Variants in SLC16A7 observed in about 807,000 individuals in gnomAD.
SLC16A7 encodes solute carrier family 16 member 7.
In SLC16A7, 33 loss-of-function variants were observed where a neutral mutation model predicts 34.9. That is an observed-to-expected ratio of 0.94 (90% CI 0.72 to 1.26). The LOEUF (loss-of-function observed/expected upper bound fraction) is 1.26, where lower values mean the gene tolerates loss of function less well. SLC16A7 is among the 50% of genes most tolerant of loss of function. The pLI is 0.00. For synonymous variants in SLC16A7, 201 were observed against 206.6 expected (o/e 0.97, Z 0.23); for missense variants, 573 against 578.1 (o/e 0.99, Z 0.09).
chr12:59,706,080 C>T (rs1430666041), intron 3 of SLC16A7, among the ~76,000 whole-genome samples: 1 of 152,076 alleles, frequency 6.6e-6, no homozygotes, highest in Non-Finnish European at 1.5e-5. Context: ...ATAGCTCTCC[C>T]AAGTCAAACA....
chr12:59,700,535 A>G (rs989546528), intron 2 of SLC16A7, among the ~76,000 whole-genome samples: 1 of 149,518 alleles, frequency 6.7e-6, no homozygotes, highest in Non-Finnish European at 1.5e-5. Flanking sequence ...TTTAATTTTG[A>G]CTCTTTGATC....
At chr12:59,707,815 G>A (rs188053623) in intron 3 of SLC16A7, among the ~76,000 whole-genome samples, 24 of 152,100 alleles carry the variant, frequency 1.6e-4, no homozygotes, top group African/African-American at 4.6e-4. Flanking sequence ...CTCCATTATC[G>A]GGGCTAAAAC....
chr12:59,620,140 T>A (rs919215902), intron 1 of SLC16A7, among the ~76,000 whole-genome samples: 1 of 151,928 alleles, frequency 6.6e-6, no homozygotes, highest in African/African-American at 2.4e-5. Flanking sequence ...TGTGGTTTTT[T>A]TTTTCTCCTC....
chr12:59,684,740 G>A (rs1031872392), intron 2 of SLC16A7, among the ~76,000 whole-genome samples: 2 of 152,024 alleles, frequency 1.3e-5, no homozygotes, highest in African/African-American at 4.8e-5. Context: ...AAAGGTCAAG[G>A]TGGAAACAAA....
chr12:59,741,203 A>G (rs1034170052), intron 3 of SLC16A7, among the ~76,000 whole-genome samples: 6 of 152,180 alleles, frequency 3.9e-5, no homozygotes, highest in South Asian at 2.1e-4. Context: ...CAGAATTGGA[A>G]AAAACTACTT....
At chr12:59,630,289 A>G (rs140255464) in intron 1 of SLC16A7, among the ~76,000 whole-genome samples, 3 of 152,004 alleles carry the variant, frequency 2.0e-5, no homozygotes, top group East Asian at 3.9e-4. Flanking sequence ...CTCTTAAAAT[A>G]TGAACAGATT....
At chr12:59,706,774 G>C (rs556779734) in intron 3 of SLC16A7, among the ~76,000 whole-genome samples, 6 of 152,032 alleles carry the variant, frequency 3.9e-5, no homozygotes, top group South Asian at 4.2e-4. Context: ...GGGTTTTCTT[G>C]CCTCTTAAAT....
At chr12:59,751,856 G>A (rs937397910) in intron 3 of SLC16A7, among the ~76,000 whole-genome samples, 32 of 152,250 alleles carry the variant, frequency 2.1e-4, no homozygotes, top group African/African-American at 4.6e-4. Context: ...GAGGCACCCC[G>A]CAGTTGGGGC....
intron 1 of SLC16A7, among the ~76,000 whole-genome samples, chr12:59,633,274 A>G (rs953001061): frequency 1.3e-5 from 2 of 152,012 alleles, no homozygotes; most frequent in African/African-American, 4.8e-5. Context: ...GAGGGAAGCT[A>G]TGATACTTCA....
chr12:59,768,245 T>A (rs1881878241), intron 3 of SLC16A7: 3 of 454,192 alleles, frequency 6.6e-6, no homozygotes, highest in Middle Eastern at 6.6e-4. Flanking sequence ...GAGGTCAAAA[T>A]ACCAACATTA....
In SLC16A7 at chr12:59,775,280, C is replaced by T. The variant is rs138173759; in HGVS notation, c.985C>T (p.Leu329Phe). Residue 329 changes from leucine to phenylalanine, a missense_variant, in exon 5 of 6, where the codon CTC becomes TTC. Physicochemically the swap from Leu to Phe is conservative, Grantham distance 22 (BLOSUM62 0). Transcript: ENST00000547379. Reference sequence around the variant, plus strand: ...AATCATGTTCAATGGAGTGTGTCACCTCTTGTGCCCACTGGCACAGGACTA... The same window carrying T: ...AATCATGTTCAATGGAGTGTGTCACTTCTTGTGCCCACTGGCACAGGACTA... ...FAIMFNGVCH[L>F]LCPLAQDYTS... 4 of 1,614,100 alleles carry T rather than the reference C, an allele frequency of 2.5e-6. No homozygotes were observed. The highest frequency in any genetic ancestry group is 3.3e-5 in the Admixed American group (2 of 60,012).
At chr12:59,773,888 CTTAT>C (rs950319364) in intron 4 of SLC16A7, among the ~76,000 whole-genome samples, 3 of 152,096 alleles carry the variant, frequency 2.0e-5, no homozygotes, top group Non-Finnish European at 2.9e-5. Flanking sequence ...TTTAAAGGAT[CTTAT>C]TTATTACAAT....
intron 3 of SLC16A7, chr12:59,761,020 T>A: frequency 2.4e-6 from 1 of 409,082 alleles, no homozygotes; most frequent in Non-Finnish European, 4.4e-6. Flanking sequence ...CACGTGTATT[T>A]TTTAAACAAC....
At chr12:59,706,656 A>T (rs543680431) in intron 3 of SLC16A7, among the ~76,000 whole-genome samples, 12 of 152,258 alleles carry the variant, frequency 7.9e-5, no homozygotes, top group African/African-American at 2.4e-4. Context: ...TGTAGAGTAG[A>T]TATTCCTGTA....
At chr12:59,756,044 G>A (rs915584850) in intron 3 of SLC16A7, among the ~76,000 whole-genome samples, 1 of 152,192 alleles carries the variant, frequency 6.6e-6, no homozygotes, top group Non-Finnish European at 1.5e-5. Flanking sequence ...TGGGAAAACT[G>A]GCTAGCCATA....
At position 59,671,945 on chromosome 12, in the gene SLC16A7, GTGTATATA is replaced by G. The variant is rs568138452; in HGVS notation, c.-31+16707_-31+16714del. ...TGTATATATCCATATATGTATATAT[GTGTATATA>G]TGTATATATGTGTATATATCCATAT... On this transcript the variant is annotated intron_variant, in intron 2 of 5. Coordinates refer to ENST00000547379, the MANE Select transcript of SLC16A7 (RefSeq NM_001270623.2). Among the ~76,000 whole-genome samples the G allele has an allele frequency of 7.6e-3, 74 of 9,774 alleles. 16 individuals carry two copies. Among genetic ancestry groups the G allele is most frequent in the African/African-American group, 0.041 (71 of 1,736 alleles). The allele number at this position is 9,774 out of a possible 152,430, so 6.4% of individuals were successfully genotyped here.
At chr12:59,711,284 C>T (rs1286198723) in intron 3 of SLC16A7, among the ~76,000 whole-genome samples, 2 of 152,136 alleles carry the variant, frequency 1.3e-5, no homozygotes, top group African/African-American at 4.8e-5. Flanking sequence ...TAAGCACTTA[C>T]TACTTTAGTC....
At chr12:59,647,470 C>T (rs1868267146) in intron 1 of SLC16A7, among the ~76,000 whole-genome samples, 1 of 152,158 alleles carries the variant, frequency 6.6e-6, no homozygotes, top group African/African-American at 2.4e-5. Context: ...GCCTCCCTAG[C>T]CCTGTGGAAC....
chr12:59,681,104 C>G (rs935033304), intron 2 of SLC16A7, among the ~76,000 whole-genome samples: 1 of 152,158 alleles, frequency 6.6e-6, no homozygotes, highest in Non-Finnish European at 1.5e-5. Context: ...AAAAATGACC[C>G]CTGTTCAAAT....
Sources: allele counts gnomAD v4.1 joint callset (sites outside exome capture counted in the v4.1 genomes callset), GRCh38; gene constraint gnomAD v4.1.1; transcripts MANE v1.5; gene names NCBI Gene and HGNC (gene_info 2026-07-23, HGNC 2026-07-21).